SAMD3: variants seen among roughly 807,000 people sequenced by gnomAD.
SAMD3 encodes the protein sterile alpha motif domain containing 3.
Under a neutral mutation model 58.5 loss-of-function variants are expected in SAMD3, and 63 were observed. That is an observed-to-expected ratio of 1.08 (90% CI 0.88 to 1.33). SAMD3 has a LOEUF of 1.33. Among genes scored for constraint, SAMD3 ranks in the 40% most tolerant of loss-of-function variants. The pLI is 0.00. For synonymous variants in SAMD3, 220 were observed against 210.3 expected (o/e 1.05, Z -0.40); for missense variants, 604 against 608.4 (o/e 0.99, Z 0.08).
chr6:130,290,777 G>A (rs1017223494), intron 2 of SAMD3, among the ~76,000 whole-genome samples: 1 of 152,132 alleles, frequency 6.6e-6, no homozygotes, highest in Admixed American at 6.5e-5. Context: ...GAATAAGATA[G>A]TATGGAGTAA....
chr6:130,294,909 A>ATTTTTTTTTTTTTTTT (rs774036634), intron 2 of SAMD3, among the ~76,000 whole-genome samples: 4 of 56,168 alleles, frequency 7.1e-5, no homozygotes, highest in Non-Finnish European at 9.9e-5. Context: ...CATTTCTCTG[A>ATTTTTTTTTTTTTTTT]TTTTTTTTTT....
chr6:130,273,397 A>G (rs1320515584), intron 2 of SAMD3, among the ~76,000 whole-genome samples: 5 of 152,142 alleles, frequency 3.3e-5, no homozygotes, highest in African/African-American at 4.8e-5. Context: ...TAAATCTAAA[A>G]TGAGTCTCTT....
At chr6:130,226,110 T>A (rs117542480), upstream of SAMD3, among the ~76,000 whole-genome samples, 3,817 of 152,338 alleles carry the variant, frequency 0.025, 68 homozygotes, top group Non-Finnish European at 0.039. Flanking sequence ...TTAGTGAAGC[T>A]GTCATTCTAC....
At chr6:130,324,892 C>G (rs1203259544) in intron 1 of SAMD3, among the ~76,000 whole-genome samples, 1 of 152,048 alleles carries the variant, frequency 6.6e-6, no homozygotes, top group African/African-American at 2.4e-5. Context: ...GTGCCTCACA[C>G]TGTGAGGCTG....
intron 1 of SAMD3, among the ~76,000 whole-genome samples, chr6:130,355,034 C>T (rs1777784754): frequency 1.3e-5 from 2 of 152,190 alleles, no homozygotes; most frequent in South Asian, 4.1e-4. Context: ...CCTCAGCAAT[C>T]AGTGATGTGT....
intron 2 of SAMD3, among the ~76,000 whole-genome samples, chr6:130,291,874 G>T (rs1206671701): frequency 1.3e-5 from 2 of 151,910 alleles, no homozygotes; most frequent in East Asian, 3.9e-4. Context: ...ACAGTATGTG[G>T]GCAAATCTGT....
At chr6:130,331,472 C>T (rs904607043) in intron 1 of SAMD3, among the ~76,000 whole-genome samples, 2 of 152,128 alleles carry the variant, frequency 1.3e-5, no homozygotes. Flanking sequence ...TCTGTAATCC[C>T]AGCACTTTGG....
chr6:130,301,368 A>G (rs976728300), intron 2 of SAMD3, among the ~76,000 whole-genome samples: 7 of 152,296 alleles, frequency 4.6e-5, no homozygotes, highest in African/African-American at 1.7e-4. Context: ...GGAATACACT[A>G]AACCAAGAAG....
At chr6:130,262,192 G>A (rs1774165330) in intron 2 of SAMD3, among the ~76,000 whole-genome samples, 1 of 151,976 alleles carries the variant, frequency 6.6e-6, no homozygotes, top group South Asian at 2.1e-4. Flanking sequence ...GTAAACAAGG[G>A]CATATCTCGA....
At chr6:130,283,727 G>A (rs1279104458) in intron 2 of SAMD3, among the ~76,000 whole-genome samples, 1 of 152,154 alleles carries the variant, frequency 6.6e-6, no homozygotes, top group Admixed American at 6.5e-5. Context: ...TCAGATCTAT[G>A]ATGAATAACG....
intron 1 of SAMD3, among the ~76,000 whole-genome samples, chr6:130,330,028 C>G (rs549367644): frequency 6.6e-6 from 1 of 152,232 alleles, no homozygotes; most frequent in Non-Finnish European, 1.5e-5. Context: ...CACATGTATA[C>G]CTATGTACCA....
intron 2 of SAMD3, among the ~76,000 whole-genome samples, chr6:130,294,909 A>ATTTTTTTTTTTTT (rs774036634): frequency 3.2e-4 from 18 of 56,168 alleles, no homozygotes; most frequent in East Asian, 4.1e-4. Flanking sequence ...CATTTCTCTG[A>ATTTTTTTTTTTTT]TTTTTTTTTT....
intron 1 of SAMD3, among the ~76,000 whole-genome samples, chr6:130,359,465 T>C (rs148499459): frequency 0.014 from 2,183 of 152,296 alleles, 28 homozygotes; most frequent in Non-Finnish European, 0.02. Context: ...TTGAATTCTG[T>C]TACATCCTTG....
chr6:130,254,646 G>T (rs1412961667), intron 2 of SAMD3, among the ~76,000 whole-genome samples: 1 of 126,396 alleles, frequency 7.9e-6, no homozygotes, highest in African/African-American at 3.5e-5. Context: ...AGAGTTTGAA[G>T]CCAGCCTGAT....
rs562246303 is a variant in SAMD3, at chr6:130,314,850, C to T, written c.-303-1757G>A. On this transcript the variant is annotated intron_variant, in intron 1 of 13. Transcript: ENST00000368134. The stretch of plus-strand genomic sequence containing the variant: ...CATTGGACTTCTTTTGAGTTTTCTA[C>T]AGGTATAGCTACATGCAATTTTGAA... Among the ~76,000 whole-genome samples, 7 of 152,246 alleles carry T rather than the reference C, an allele frequency of 4.6e-5. No homozygotes were observed. In the East Asian group the frequency reaches 1.3e-3, roughly 29 times the overall value.
Position 130,206,965 on chromosome 6 carries a change from A to G in SAMD3, c.383+2530T>C, listed in dbSNP as rs958995018. ...AAGGAGAAAAGAGAGCTTGGGCAAC[A>G]CAACTAGATCTCATTTCTACAAATC... On this transcript the variant is annotated intron_variant, in intron 5 of 11. Coordinates refer to ENST00000439090, the MANE Select transcript of SAMD3 (RefSeq NM_001017373.4). Among the ~76,000 whole-genome samples the G allele has an allele frequency of 3.3e-5, 5 of 152,226 alleles. No individual in the cohort carries two copies. In the South Asian group the frequency reaches 1.0e-3, roughly 32 times the overall value.
Position 130,144,698 on chromosome 6 carries a change from C to T in SAMD3, c.1385G>A (p.Cys462Tyr), listed in dbSNP as rs746625367. The change falls in exon 12 of 12, where the codon TGT becomes TAT. Residue 462 changes from cysteine to tyrosine, a missense_variant. Transcript: ENST00000439090. The part of the protein sequence containing the change: ...ERERLTKVDD[C>Y]VTALAALVAA... The stretch of plus-strand genomic sequence containing the variant: ...TACTAGCGCAGCCAAGGCTGTAACA[C>T]AGTCGTCCACCTTTGTGAGCCTCTC... 6.2e-7 allele frequency: 1 copy of T among 1,614,048 alleles called. No individual in the cohort carries two copies. Among genetic ancestry groups the T allele is most frequent in the Non-Finnish European group, 8.5e-7 (1 of 1,180,002 alleles).
intron 2 of SAMD3, among the ~76,000 whole-genome samples, chr6:130,301,605 C>T (rs758377077): frequency 1.3e-5 from 2 of 152,026 alleles, no homozygotes; most frequent in Non-Finnish European, 2.9e-5. Flanking sequence ...GTGAAACCCC[C>T]AAAGAGCCCA....
chr6:130,283,736 C>T lies in SAMD3; in HGVS notation c.-188+29242G>A, dbSNP rs1442768798. On this transcript the variant is annotated intron_variant, in intron 2 of 13. Transcript: ENST00000368134. ...CCACTTTCAGATCTATGATGAATAA[C>T]GACTTTTAAAGGATATAAGTAAGGA... Among the ~76,000 whole-genome samples the T allele has an allele frequency of 4.6e-5, 7 of 151,854 alleles. No homozygotes were observed. The East Asian group carries it at 5.8e-4, about 13-fold the overall frequency.
Sources: allele counts gnomAD v4.1 joint callset (sites outside exome capture counted in the v4.1 genomes callset), GRCh38; gene constraint gnomAD v4.1.1; transcripts MANE v1.5; gene names NCBI Gene and HGNC (gene_info 2026-07-23, HGNC 2026-07-21).